CACNA1C: variants seen among roughly 807,000 people sequenced by gnomAD.
CACNA1C encodes voltage-dependent L-type calcium channel subunit alpha-1C.
Under a neutral mutation model 229.0 loss-of-function variants are expected in CACNA1C, and 30 were observed. The ratio of observed to expected loss-of-function variants is 0.13; its 90% CI spans 0.10 to 0.18. CACNA1C has a LOEUF of 0.18. CACNA1C is among the 10% of genes least tolerant of loss of function. CACNA1C has a pLI of 1.00. For missense variants in CACNA1C, 1,658 were observed against 2,845.0 expected (o/e 0.58, Z 9.49); for synonymous variants, 1,114 against 1,132.5 (o/e 0.98, Z 0.33).
intron 1 of CACNA1C, among the ~76,000 whole-genome samples, chr12:2,013,229 G>A (rs1565922901): frequency 1.3e-5 from 2 of 152,208 alleles, no homozygotes; most frequent in Admixed American, 6.5e-5. Flanking sequence ...ACCTGCTAGC[G>A]TTACTGTGAC....
rs776928313 is a variant in CACNA1C, at chr12:2,682,565, G to C, written c.5460G>C (p.Glu1820Asp). The change falls in exon 43 of 47, where the codon GAG (glutamate) becomes GAC (aspartate). Residue 1820 changes from glutamate to aspartate, a missense_variant. Coordinates refer to ENST00000399655, the MANE Select transcript of CACNA1C (RefSeq NM_000719.7). ...KLSSNRCHSR[E>D]SQAAMAGQEE... ...GATATTGTAGGTGCCACTCCCGGGA[G>C]AGCCAGGCAGCCATGGCGGGTCAGG... 1.4e-5 allele frequency: 22 copies of C among 1,612,578 alleles called. 1 individual carries two copies. In the South Asian group the frequency reaches 2.1e-4, roughly 15 times the overall value.
chr12:2,415,095 G>C (rs576232515), intron 3 of CACNA1C, among the ~76,000 whole-genome samples: 3 of 152,314 alleles, frequency 2.0e-5, no homozygotes, highest in Non-Finnish European at 4.4e-5. Context: ...ATGCGAGTGT[G>C]GGACCTGAAC....
chr12:2,628,565 T>C (rs547171547), intron 29 of CACNA1C, among the ~76,000 whole-genome samples: 1 of 152,190 alleles, frequency 6.6e-6, no homozygotes, highest in East Asian at 1.9e-4. Flanking sequence ...ACACCCAAAA[T>C]AGAACCTGTG....
intron 1 of CACNA1C, among the ~76,000 whole-genome samples, chr12:1,984,250 T>G (rs181057385): frequency 5.2e-3 from 799 of 152,224 alleles, no homozygotes; most frequent in Non-Finnish European, 8.8e-3. Context: ...TGGTTGAACT[T>G]GGGTAGGTCT....
chr12:2,137,947 G>A (rs1292638795), intron 3 of CACNA1C, among the ~76,000 whole-genome samples: 1 of 151,450 alleles, frequency 6.6e-6, no homozygotes, highest in South Asian at 2.1e-4. Context: ...TCACACAGGC[G>A]CCCCTGCCGG....
intron 3 of CACNA1C, among the ~76,000 whole-genome samples, chr12:2,439,644 T>G (rs1273340486): frequency 2.0e-5 from 3 of 151,538 alleles, no homozygotes; most frequent in African/African-American, 7.3e-5. Context: ...CGCAAGAAAC[T>G]GATAGGCAAC....
chr12:2,535,704 TAAAAAAAAAAAAAAA>T (rs758857733), intron 9 of CACNA1C, among the ~76,000 whole-genome samples: 2 of 36,536 alleles, frequency 5.5e-5, no homozygotes, highest in Non-Finnish European at 1.1e-4. Flanking sequence ...AGACCCTGTC[TAAAAAAAAAAAAAAA>T]AAAAAAAAAA....
intron 3 of CACNA1C, among the ~76,000 whole-genome samples, chr12:2,266,417 A>G (rs954660782): frequency 1.3e-5 from 2 of 152,182 alleles, no homozygotes; most frequent in Admixed American, 6.5e-5. Flanking sequence ...ACCTGTTCTC[A>G]TGCTCCTTCT....
chr12:1,972,423 T>TAGTA (rs2032700391), intron 1 of CACNA1C, among the ~76,000 whole-genome samples: 1 of 152,220 alleles, frequency 6.6e-6, no homozygotes, highest in Non-Finnish European at 1.5e-5. Context: ...GACTCGTTAC[T>TAGTA]AGCATATGGT....
chr12:2,605,314 C>A lies in CACNA1C; in HGVS notation c.3048+146C>A. The A allele has an allele frequency of 1.6e-6, 1 of 637,742 alleles. No individual in the cohort carries two copies. The highest frequency in any genetic ancestry group is 2.8e-6 in the Non-Finnish European group (1 of 354,058). 39.5% of individuals were successfully genotyped at this position (637,742 alleles called of 1,614,324 possible). A position where few individuals can be genotyped will look rare whatever the true frequency, so the allele number is the denominator to read the frequency against. ...CCCGGACACTGGTCCCACTGCATGTCCCGGTTCCGTAATGAACAGAATAGT... is the reference window on the plus strand; with the variant it reads ...CCCGGACACTGGTCCCACTGCATGTACCGGTTCCGTAATGAACAGAATAGT... On this transcript the variant is annotated intron_variant, in intron 23 of 46. Coordinates refer to ENST00000399655, the MANE Select transcript of CACNA1C (RefSeq NM_000719.7). The surrounding 1 kb of genome is among the most constrained non-coding windows in gnomAD (Gnocchi z 6.2).
intron 19 of CACNA1C, among the ~76,000 whole-genome samples, chr12:2,593,825 T>A (rs1213652343): frequency 6.6e-6 from 1 of 152,240 alleles, no homozygotes; most frequent in African/African-American, 2.4e-5. Flanking sequence ...ATTTTATTTG[T>A]TCACCATTTT....
chr12:2,468,580 C>T (rs528821794), intron 5 of CACNA1C, among the ~76,000 whole-genome samples: 8 of 152,320 alleles, frequency 5.3e-5, no homozygotes, highest in African/African-American at 7.2e-5. Flanking sequence ...CTTCCTGAGC[C>T]GAGGGGAATC....
intron 3 of CACNA1C, among the ~76,000 whole-genome samples, chr12:2,269,484 A>G (rs891818692): frequency 6.6e-6 from 1 of 152,182 alleles, no homozygotes; most frequent in African/African-American, 2.4e-5. Flanking sequence ...GATAACATAG[A>G]TGTACAGTCG....
At chr12:2,290,954 C>T (rs1301755060) in intron 3 of CACNA1C, among the ~76,000 whole-genome samples, 1 of 152,198 alleles carries the variant, frequency 6.6e-6, no homozygotes, top group Non-Finnish European at 1.5e-5. Context: ...TCAGCAGCTT[C>T]AAAGTGATAT....
At chr12:2,392,315 G>A (rs1343094836) in intron 3 of CACNA1C, among the ~76,000 whole-genome samples, 1 of 152,116 alleles carries the variant, frequency 6.6e-6, no homozygotes, top group Admixed American at 6.5e-5. Flanking sequence ...TAGCTTTTGT[G>A]CATCTACAGT....
intron 3 of CACNA1C, among the ~76,000 whole-genome samples, chr12:2,124,114 G>A (rs1171952734): frequency 1.5e-4 from 1 of 6,572 alleles, no homozygotes; most frequent in Non-Finnish European, 3.2e-4. Context: ...TAGCTCGTGT[G>A]TGTGTGTGTG....
chr12:2,190,076 A>C (rs1199721678), intron 3 of CACNA1C, among the ~76,000 whole-genome samples: 3 of 152,224 alleles, frequency 2.0e-5, no homozygotes, highest in Admixed American at 6.5e-5. Flanking sequence ...CTCTTTCTGC[A>C]CTAAAAATGA....
intron 29 of CACNA1C, among the ~76,000 whole-genome samples, chr12:2,628,204 C>G (rs2088126474): frequency 6.6e-6 from 1 of 152,186 alleles, no homozygotes; most frequent in Admixed American, 6.5e-5. Flanking sequence ...AGGCATGCAC[C>G]CGTCACCCCT....
intron 5 of CACNA1C, among the ~76,000 whole-genome samples, chr12:2,477,615 C>T (rs780480026): frequency 8.5e-5 from 13 of 152,124 alleles, no homozygotes; most frequent in African/African-American, 1.2e-4. Context: ...GATGGGGAGC[C>T]GAGCAAGAGA....
Sources: gnomAD v4.1 joint callset for allele counts (sites outside exome capture counted in the v4.1 genomes callset) on GRCh38, gnomAD v4.1.1 for gene constraint, Gnocchi (gnomAD v3.1) non-coding constraint, MANE v1.5 for transcripts, NCBI Gene and HGNC (gene_info 2026-07-23, HGNC 2026-07-21) for gene names.